PALD1: variants seen among roughly 807,000 people sequenced by gnomAD.
PALD1 encodes phosphatase domain containing paladin 1.
PALD1 carries 57 observed loss-of-function variants against 96.0 expected under a neutral mutation model. The observed-to-expected ratio is 0.59, with a 90% CI of 0.48 to 0.74. The LOEUF is 0.74. Among genes scored for constraint, PALD1 ranks in the 30% least tolerant of loss-of-function variants. PALD1 has a pLI of 0.00. For missense variants in PALD1, 1,063 were observed against 1,143.7 expected (o/e 0.93, Z 1.02); for synonymous variants, 464 against 473.6 (o/e 0.98, Z 0.26).
intron 1 of PALD1, among the ~76,000 whole-genome samples, chr10:70,521,751 C>G (rs1217864087): frequency 6.6e-6 from 1 of 151,834 alleles, no homozygotes; most frequent in Admixed American, 6.6e-5. Flanking sequence ...CGAGGCTGGT[C>G]TTGAACTCCT....
chr10:70,548,096 A>G lies in PALD1; in HGVS notation c.2262+650A>G, dbSNP rs1847405141. ...CGAGACAGGCAGACCACCTGAGGTC[A>G]GGAGTCAGAGACCAGACTGGCCAAC... On this transcript the variant is annotated intron_variant, in intron 18 of 19. Coordinates refer to ENST00000263563, the MANE Select transcript of PALD1 (RefSeq NM_014431.3). Among the ~76,000 whole-genome samples, 3 of 152,186 alleles carry G rather than the reference A, an allele frequency of 2.0e-5. No individual in the cohort carries two copies. In the South Asian group the frequency reaches 6.2e-4, roughly 32 times the overall value.
At chr10:70,552,310 C>G (rs994268690) in intron 18 of PALD1, among the ~76,000 whole-genome samples, 1 of 152,198 alleles carries the variant, frequency 6.6e-6, no homozygotes, top group Non-Finnish European at 1.5e-5. Flanking sequence ...GTGTGTAGCA[C>G]GCGCGGCCCT....
intron 1 of PALD1, among the ~76,000 whole-genome samples, chr10:70,511,866 A>G (rs940370198): frequency 2.6e-5 from 4 of 152,134 alleles, no homozygotes; most frequent in Admixed American, 6.5e-5. Context: ...ATCTCTACTA[A>G]AAATACAAAA....
chr10:70,510,303 A>T (rs1410673501), intron 1 of PALD1, among the ~76,000 whole-genome samples: 1 of 151,960 alleles, frequency 6.6e-6, no homozygotes, highest in Non-Finnish European at 1.5e-5. Context: ...TCCCACTGTC[A>T]CTCTGGGTCT....
chr10:70,528,152 A>T (rs910783556), intron 2 of PALD1, among the ~76,000 whole-genome samples: 3 of 152,142 alleles, frequency 2.0e-5, no homozygotes, highest in African/African-American at 4.8e-5. Flanking sequence ...GGTGTATATG[A>T]AGGCACTTCT....
the PALD1 span, among the ~76,000 whole-genome samples, chr10:70,459,259 G>A: frequency 6.6e-6 from 1 of 152,194 alleles, no homozygotes; most frequent in African/African-American, 2.4e-5. Flanking sequence ...GAGGAACCGG[G>A]GCTCGGAGAG....
At chr10:70,566,027 G>A (rs982101385) in intron 19 of PALD1, among the ~76,000 whole-genome samples, 6 of 152,172 alleles carry the variant, frequency 3.9e-5, no homozygotes, top group Non-Finnish European at 8.8e-5. Context: ...GCCCCAGAGC[G>A]GGACGGACCC....
At position 70,541,502 on chromosome 10, in the gene PALD1, C is replaced by T; in HGVS notation, c.2089C>T (p.Pro697Ser). Residue 697 changes from proline (P) to serine (S), a missense_variant, in exon 17 of 20, where the codon CCT (proline) becomes TCT (serine). By Grantham distance (74) the Pro-to-Ser change is moderately conservative. Transcript: ENST00000263563. ...EVGEEELVSV[P>S]DAKFTKGEFQ... ...GGGTGAGGAGGAGCTCGTGAGTGTG[C>T]CTGATGCCAAGTTCACTAAGGGTGA... is the stretch of plus-strand genomic sequence containing the variant. The T allele has an allele frequency of 6.2e-7, 1 of 1,613,734 alleles. No homozygotes were observed. Among genetic ancestry groups the T allele is most frequent in the Non-Finnish European group, 8.5e-7 (1 of 1,179,838 alleles).
the PALD1 span, among the ~76,000 whole-genome samples, chr10:70,467,610 C>G: frequency 6.6e-6 from 1 of 152,080 alleles, no homozygotes; most frequent in Non-Finnish European, 1.5e-5. Context: ...GTTTAGTAGC[C>G]GTATACAAGA....
chr10:70,519,420 C>G (rs1846682960), intron 1 of PALD1, among the ~76,000 whole-genome samples: 1 of 152,122 alleles, frequency 6.6e-6, no homozygotes, highest in Non-Finnish European at 1.5e-5. Flanking sequence ...GCCGTATCCT[C>G]AGATGGTGTG....
Position 70,542,046 on chromosome 10 carries a change from G to A in PALD1, c.2121+512G>A, listed in dbSNP as rs147762766. On this transcript the variant is annotated intron_variant, in intron 17 of 19. Coordinates refer to ENST00000263563, the MANE Select transcript of PALD1 (RefSeq NM_014431.3). ...CAGGCATCCCGAGAGTCGTGGCAAC[G>A]TCCCTCGGAGTTGGCCCATGGCTGA... 5.0e-3 allele frequency among the ~76,000 whole-genome samples: 762 copies of A among 152,240 alleles called. 6 individuals carry two copies. Among genetic ancestry groups the A allele is most frequent in the African/African-American group, 0.017 (723 of 41,534 alleles).
intron 18 of PALD1, among the ~76,000 whole-genome samples, chr10:70,561,206 G>A (rs972110322): frequency 2.8e-4 from 42 of 152,228 alleles, no homozygotes; most frequent in African/African-American, 9.4e-4. Flanking sequence ...CCATCCCCAC[G>A]GCTGTGGGAG....
the PALD1 span, among the ~76,000 whole-genome samples, chr10:70,465,139 T>G: frequency 6.6e-6 from 1 of 151,850 alleles, no homozygotes; most frequent in Non-Finnish European, 1.5e-5. Flanking sequence ...TATGCCCAGC[T>G]AATTTTTTGT....
chr10:70,474,344 T>C (rs1845796532), upstream of PALD1, among the ~76,000 whole-genome samples: 1 of 152,184 alleles, frequency 6.6e-6, no homozygotes, highest in Admixed American at 6.5e-5. Context: ...GTGGATCACC[T>C]GAGGTCAGGA....
At chr10:70,523,621 GC>G (rs1023793724) in intron 1 of PALD1, among the ~76,000 whole-genome samples, 5 of 152,142 alleles carry the variant, frequency 3.3e-5, no homozygotes, top group African/African-American at 1.2e-4. Context: ...CTCCACCCTT[GC>G]CAAAAAGAGA....
At chr10:70,503,810 T>C (rs1846339034) in intron 1 of PALD1, among the ~76,000 whole-genome samples, 1 of 152,268 alleles carries the variant, frequency 6.6e-6, no homozygotes, top group Admixed American at 6.5e-5. Context: ...TCCAGAATTT[T>C]GTGTAGAAAG....
At chr10:70,555,173 C>A (rs188961703) in intron 18 of PALD1, among the ~76,000 whole-genome samples, 1 of 149,960 alleles carries the variant, frequency 6.7e-6, no homozygotes, top group East Asian at 2.0e-4. Flanking sequence ...CGGGGTTTTG[C>A]CATGTTTCCC....
At chr10:70,554,505 C>T (rs1042054039) in intron 18 of PALD1, among the ~76,000 whole-genome samples, 8 of 152,288 alleles carry the variant, frequency 5.3e-5, no homozygotes, top group Admixed American at 1.3e-4. Flanking sequence ...CCACTTCCAG[C>T]GCTTTGGACG....
chr10:70,541,302 T>C, intron 16 of PALD1, 60 bp downstream of exon 16: 1 of 1,559,348 alleles, frequency 6.4e-7, no homozygotes, highest in South Asian at 1.2e-5. Context: ...GACACTCAGG[T>C]CCCAGGCACA....
Sources: allele counts gnomAD v4.1 joint callset (sites outside exome capture counted in the v4.1 genomes callset), GRCh38; gene constraint gnomAD v4.1.1; transcripts MANE v1.5; gene names NCBI Gene and HGNC (gene_info 2026-07-23, HGNC 2026-07-21).